The following USP3 variants were observed in gnomAD, a reference collection of about 807,000 sequenced individuals.
USP3 encodes the protein ubiquitin carboxyl-terminal hydrolase 3.
A neutral mutation model predicts 72.3 loss-of-function variants in USP3; 20 were observed. The ratio of observed to expected loss-of-function variants is 0.28; its 90% CI spans 0.19 to 0.40. The LOEUF is 0.40. USP3 is among the 10% of genes least tolerant of loss of function. The pLI, the probability that USP3 is intolerant of heterozygous loss-of-function variation, is 1.00. For synonymous variants in USP3, 222 were observed against 225.3 expected (o/e 0.99, Z 0.13); for missense variants, 479 against 633.9 (o/e 0.76, Z 2.62).
At chr15:63,587,784 C>T (rs2067103929) in intron 11 of USP3, 1 of 152,164 alleles carries the variant, frequency 6.6e-6, no homozygotes, top group Non-Finnish European at 1.5e-5. Flanking sequence ...TACTAAACCC[C>T]AGGTTACACA....
intron 3 of USP3, among the ~76,000 whole-genome samples, chr15:63,552,673 GAC>G (rs2066453289): frequency 6.6e-6 from 1 of 152,106 alleles, no homozygotes; most frequent in Non-Finnish European, 1.5e-5. Context: ...CTGAATAAAA[GAC>G]ACAAGCATGC....
At position 63,504,807 on chromosome 15, in the gene USP3, C is replaced by T. The variant is rs1329183564; in HGVS notation, c.68C>T (p.Ser23Phe). Residue 23 changes from serine to phenylalanine, a missense_variant, in exon 1 of 15, where the codon TCC (serine) becomes TTC (phenylalanine). Physicochemically the swap from Ser to Phe is radical, Grantham distance 155. Coordinates refer to ENST00000380324, the MANE Select transcript of USP3 (RefSeq NM_006537.4). ...GACTCAGCCAAGTTCCCCAACGGCT[C>T]CCCGTCGTCCTGGTGCTGCAGCGGT... ...APDSAKFPNG[S>F]PSSWCCSVCR... The T allele has an allele frequency of 6.2e-7, 1 of 1,610,186 alleles. No individual in the cohort carries two copies. The highest frequency in any genetic ancestry group is 1.3e-5 in the African/African-American group (1 of 74,576).
chr15:63,566,933 T>A (rs1169865989), intron 8 of USP3, among the ~76,000 whole-genome samples: 1 of 152,240 alleles, frequency 6.6e-6, no homozygotes, highest in East Asian at 1.9e-4. Flanking sequence ...AAGGATATTT[T>A]AAATATGAGC....
At chr15:63,584,765 T>TA (rs1460119937) in intron 11 of USP3, among the ~76,000 whole-genome samples, 1 of 152,228 alleles carries the variant, frequency 6.6e-6, no homozygotes, top group Non-Finnish European at 1.5e-5. Flanking sequence ...TTAATTTTGA[T>TA]AAAGTTCAGC....
intron 1 of USP3, among the ~76,000 whole-genome samples, chr15:63,522,336 A>G (rs981917731): frequency 1.3e-5 from 2 of 152,238 alleles, no homozygotes; most frequent in African/African-American, 4.8e-5. Context: ...GTTGAAATAA[A>G]TGATCCCCTC....
chr15:63,542,327 G>A, intron 3 of USP3: 1 of 372,300 alleles, frequency 2.7e-6, no homozygotes, highest in Non-Finnish European at 3.7e-6. Flanking sequence ...CCATGTGACT[G>A]CTAGCTACTA....
At position 63,594,627 on chromosome 15, in the gene USP3, C is replaced by T. The variant is rs2078762336; in HGVS notation, c.*3801C>T. 6.6e-6 allele frequency: 1 copy of T among 152,206 alleles called. No individual in the cohort carries two copies. Among genetic ancestry groups the T allele is most frequent in the African/African-American group, 2.4e-5 (1 of 41,448 alleles). 9.4% of individuals were successfully genotyped at this position (152,206 alleles called of 1,614,324 possible). A position where few individuals can be genotyped will look rare whatever the true frequency, so the allele number is the denominator to read the frequency against. On this transcript the variant is annotated 3_prime_UTR_variant, in exon 15 of 15. Coordinates refer to ENST00000380324, the MANE Select transcript of USP3 (RefSeq NM_006537.4). Reference sequence around the variant, plus strand: ...TTAAAAATATCATTAAAAGTCTGTTCTCTTTCCTTTTGACTTATTTCTGAA... The same window carrying T: ...TTAAAAATATCATTAAAAGTCTGTTTTCTTTCCTTTTGACTTATTTCTGAA...
At chr15:63,558,629 C>T (rs1487132106) in intron 6 of USP3, among the ~76,000 whole-genome samples, 1 of 152,102 alleles carries the variant, frequency 6.6e-6, no homozygotes, top group Non-Finnish European at 1.5e-5. Context: ...CCCACCAGCA[C>T]TTTGGGAGGC....
At chr15:63,581,397 GTGTT>G (rs2066959046) in intron 11 of USP3, among the ~76,000 whole-genome samples, 1 of 107,016 alleles carries the variant, frequency 9.3e-6, no homozygotes, top group Non-Finnish European at 2.0e-5. Context: ...GTGTGTGTGT[GTGTT>G]TAGATGGAGT....
chr15:63,564,219 T>G (rs1367617006), intron 8 of USP3, among the ~76,000 whole-genome samples: 1 of 152,206 alleles, frequency 6.6e-6, no homozygotes, highest in East Asian at 1.9e-4. Flanking sequence ...TGGGTATTTT[T>G]TATCTGGTCT....
intron 1 of USP3, among the ~76,000 whole-genome samples, chr15:63,516,934 T>G (rs74406590): frequency 6.6e-6 from 1 of 151,876 alleles, no homozygotes; most frequent in African/African-American, 2.4e-5. Flanking sequence ...TTCTTTTTTT[T>G]CTTTCTGGAA....
At chr15:63,567,730 C>T (rs2066713944) in intron 8 of USP3, among the ~76,000 whole-genome samples, 2 of 152,214 alleles carry the variant, frequency 1.3e-5, no homozygotes, top group South Asian at 2.1e-4. Flanking sequence ...ATCCGTCTGC[C>T]TCAGCCTCCC....
At chr15:63,556,880 A>G in intron 5 of USP3, 132 bp downstream of exon 5, 1 of 705,786 alleles carries the variant, frequency 1.4e-6, no homozygotes, top group Non-Finnish European at 2.3e-6. Flanking sequence ...AGTATTTTAC[A>G]CAATGTTTGC....
In USP3 at chr15:63,593,662, G is replaced by A. The variant is rs1156909034; in HGVS notation, c.*2836G>A. 6.6e-6 allele frequency: 1 copy of A among 152,214 alleles called. No homozygotes were observed. The highest frequency in any genetic ancestry group is 2.4e-5 in the African/African-American group (1 of 41,442). 9.4% of individuals were successfully genotyped at this position (152,214 alleles called of 1,614,324 possible). The stretch of plus-strand genomic sequence containing the variant: ...GTGAAGATTCTTTAGAAAAGTGATT[G>A]GATCCATCTCAATTGTGCACTTGAA... On this transcript the variant is annotated 3_prime_UTR_variant, in exon 15 of 15. Coordinates refer to ENST00000380324, the MANE Select transcript of USP3 (RefSeq NM_006537.4).
intron 1 of USP3, among the ~76,000 whole-genome samples, chr15:63,525,232 A>G (rs1239677988): frequency 6.6e-6 from 1 of 152,136 alleles, no homozygotes. Context: ...TGGTTCTGTG[A>G]TCTTGCCCTT....
chr15:63,575,021 T>C (rs1015297382), intron 11 of USP3, among the ~76,000 whole-genome samples: 2 of 152,144 alleles, frequency 1.3e-5, no homozygotes, highest in Non-Finnish European at 2.9e-5. Flanking sequence ...ATAAAGAAGC[T>C]AGGATAGACC....
intron 7 of USP3, among the ~76,000 whole-genome samples, chr15:63,561,273 T>C (rs2066603898): frequency 6.6e-6 from 1 of 152,202 alleles, no homozygotes; most frequent in Non-Finnish European, 1.5e-5. Flanking sequence ...ATTCATGTCA[T>C]GCAGGGTTGA....
intron 2 of USP3, 86 bp downstream of exon 2, chr15:63,532,793 AT>A: frequency 7.3e-7 from 1 of 1,378,840 alleles, no homozygotes; most frequent in Non-Finnish European, 1.0e-6. Context: ...ATTGATTTGG[AT>A]TTAGTACCAT....
rs999801091 is a variant in USP3 at position 63,557,289 on chromosome 15, G to A, written c.450+541G>A. 2.3e-4 allele frequency among the ~76,000 whole-genome samples: 34 copies of A among 150,268 alleles called. 2 individuals carry two copies. The highest frequency in any genetic ancestry group is 4.9e-4 in the Non-Finnish European group (33 of 67,722). ...TTTTGTTTTTTTTTTTTGAGATGGAGTCTCACTCTGTCACCCAGGCTGGAG... is the reference window on the plus strand; with the variant it reads ...TTTTGTTTTTTTTTTTTGAGATGGAATCTCACTCTGTCACCCAGGCTGGAG... On this transcript the variant is annotated intron_variant, in intron 5 of 14. Transcript: ENST00000380324.
Sources: gnomAD v4.1 joint callset for allele counts (sites outside exome capture counted in the v4.1 genomes callset) on GRCh38, gnomAD v4.1.1 for gene constraint, MANE v1.5 for transcripts, NCBI Gene and HGNC (gene_info 2026-07-23, HGNC 2026-07-21) for gene names.